PTPRQ: variants seen among roughly 807,000 people sequenced by gnomAD.
PTPRQ encodes the protein protein tyrosine phosphatase receptor type Q, also known as phosphatidylinositol phosphatase PTPRQ.
Under a neutral mutation model 246.0 loss-of-function variants are expected in PTPRQ, and 199 were observed. The observed-to-expected ratio is 0.81, with a 90% CI of 0.72 to 0.91. The LOEUF is 0.91. PTPRQ is among the 40% of genes least tolerant of loss of function. The pLI is 0.00. For missense variants in PTPRQ, 2,624 were observed against 2,528.4 expected (o/e 1.04, Z -0.81); for synonymous variants, 869 against 853.2 (o/e 1.02, Z -0.32).
chr12:80,599,954 A>G (rs1279269855), intron 26 of PTPRQ, among the ~76,000 whole-genome samples: 1 of 151,776 alleles, frequency 6.6e-6, no homozygotes, highest in Non-Finnish European at 1.5e-5. Context: ...GACAAAATAC[A>G]TTCTGAAGGA....
At chr12:80,574,867 A>G (rs910301618) in intron 25 of PTPRQ, among the ~76,000 whole-genome samples, 4 of 152,176 alleles carry the variant, frequency 2.6e-5, no homozygotes, top group Admixed American at 1.3e-4. Flanking sequence ...TCATGTACAT[A>G]TAATTAAAAT....
chr12:80,599,451 T>C (rs1163914857), intron 26 of PTPRQ, among the ~76,000 whole-genome samples: 1 of 151,886 alleles, frequency 6.6e-6, no homozygotes, highest in Non-Finnish European at 1.5e-5. Flanking sequence ...CTCCCAAAGA[T>C]GCTTATAAGT....
At chr12:80,465,954 G>A (rs1049062548) in intron 6 of PTPRQ, among the ~76,000 whole-genome samples, 14 of 152,168 alleles carry the variant, frequency 9.2e-5, no homozygotes, top group African/African-American at 3.4e-4. Context: ...ACAAGACAGG[G>A]ATGCCCCCTC....
intron 43 of PTPRQ, among the ~76,000 whole-genome samples, chr12:80,676,096 G>GT (rs1380635488): frequency 6.6e-6 from 1 of 152,128 alleles, no homozygotes; most frequent in Non-Finnish European, 1.5e-5. Flanking sequence ...GCTCTTTACT[G>GT]TTTTTTCCCT....
At chr12:80,589,585 T>A (rs1315217054) in intron 26 of PTPRQ, among the ~76,000 whole-genome samples, 1 of 152,204 alleles carries the variant, frequency 6.6e-6, no homozygotes, top group Non-Finnish European at 1.5e-5. Context: ...CTAGAGGGCT[T>A]TATTTTCTAG....
At chr12:80,600,070 T>A (rs1898091988) in intron 26 of PTPRQ, among the ~76,000 whole-genome samples, 1 of 151,842 alleles carries the variant, frequency 6.6e-6, no homozygotes, top group South Asian at 2.1e-4. Flanking sequence ...ATTGTTTCTT[T>A]TAAAAAATGA....
At chr12:80,517,661 C>A (rs1043564422) in intron 17 of PTPRQ, among the ~76,000 whole-genome samples, 5 of 151,526 alleles carry the variant, frequency 3.3e-5, no homozygotes, top group African/African-American at 1.2e-4. Flanking sequence ...TCCTCACTAC[C>A]CTTCCCACCT....
At chr12:80,484,671 A>T in intron 9 of PTPRQ, 66 bp downstream of exon 9, 1 of 1,512,918 alleles carries the variant, frequency 6.6e-7, no homozygotes, top group Non-Finnish European at 8.8e-7. Context: ...GATAGCTTGG[A>T]AGATTTGCTA....
Position 80,533,996 on chromosome 12 carries a change from A to T in PTPRQ, c.2679-19A>T, listed in dbSNP as rs1390183321. 4 of 1,447,780 alleles carry T rather than the reference A, an allele frequency of 2.8e-6. No homozygotes were observed. The Admixed American group carries it at 1.2e-4, about 42-fold the overall frequency. The allele number at this position is 1,447,780 out of a possible 1,614,324, so 89.7% of individuals were successfully genotyped here. On this transcript the variant is annotated intron_variant, in intron 17 of 44. Transcript: ENST00000644991. ...ACTTTTAAAATTCAATTCTACAGAT[A>T]ATATTCTTTTTATCTCAGGAATAGA...
At position 80,514,402 on chromosome 12, in the gene PTPRQ, A is replaced by ACACACACACACACACACACACTCTCT. The variant is rs552667526; in HGVS notation, c.2678+3960_2678+3961insACACACACACACACACACACTCTCTC. On this transcript the variant is annotated intron_variant, in intron 17 of 44. Coordinates refer to ENST00000644991, the MANE Select transcript of PTPRQ (RefSeq NM_001145026.2). The stretch of plus-strand genomic sequence containing the variant: ...CACACACACACACACACACACACAC[A>ACACACACACACACACACACACTCTCT]CTCTCTCTCTCTCTCTCTGCTTTAA... Among the ~76,000 whole-genome samples, 269 of 113,000 alleles carry ACACACACACACACACACACACTCTCT rather than the reference A, an allele frequency of 2.4e-3. 2 individuals are homozygous for ACACACACACACACACACACACTCTCT. The highest frequency in any genetic ancestry group is 7.5e-3 in the East Asian group (24 of 3,216). The allele number at this position is 113,000 out of a possible 152,430, so 74.1% of individuals were successfully genotyped here.
intron 38 of PTPRQ, 69 bp from the exon 39 acceptor site, chr12:80,657,916 T>G: frequency 8.5e-7 from 1 of 1,178,036 alleles, no homozygotes; most frequent in Non-Finnish European, 1.1e-6. Context: ...TTTGTATTAC[T>G]TTTATAGTAA....
intron 9 of PTPRQ, among the ~76,000 whole-genome samples, chr12:80,492,569 G>T (rs1894482624): frequency 6.6e-6 from 1 of 151,886 alleles, no homozygotes; most frequent in African/African-American, 2.4e-5. Flanking sequence ...CATCTAGTTA[G>T]CTCAATGAAA....
chr12:80,628,776 G>T (rs1045683533), intron 33 of PTPRQ, among the ~76,000 whole-genome samples: 6 of 152,070 alleles, frequency 3.9e-5, no homozygotes, highest in African/African-American at 1.4e-4. Context: ...ATAAATAAGT[G>T]ATTTATATGT....
chr12:80,526,283 G>C (rs557425664), intron 17 of PTPRQ, among the ~76,000 whole-genome samples: 19 of 152,252 alleles, frequency 1.2e-4, no homozygotes, highest in Middle Eastern at 3.4e-3. Flanking sequence ...GGGAGCTAAA[G>C]CTTTGGTTGG....
chr12:80,510,109 T>C (rs1235227409), intron 16 of PTPRQ, among the ~76,000 whole-genome samples: 2 of 152,126 alleles, frequency 1.3e-5, no homozygotes, highest in African/African-American at 4.8e-5. Flanking sequence ...TTTTTTTCCA[T>C]TGAATCACAG....
At chr12:80,554,187 C>T (rs1229525182) in intron 25 of PTPRQ, among the ~76,000 whole-genome samples, 5 of 152,206 alleles carry the variant, frequency 3.3e-5, no homozygotes. Context: ...ATTTCTTTTA[C>T]ATTTAAAAGT....
intron 29 of PTPRQ, 63 bp from the exon 30 acceptor site, chr12:80,616,137 A>T (rs1265305395): frequency 8.6e-7 from 1 of 1,161,654 alleles, no homozygotes; most frequent in South Asian, 2.1e-5. Flanking sequence ...GCATATATAT[A>T]TATATACACA....
At position 80,495,222 on chromosome 12, in the gene PTPRQ, A is replaced by C. The variant is rs1377302833; in HGVS notation, c.1733A>C (p.Lys578Thr). ...AGCTCCATTAAAATTATAAACTATA[A>C]AAATATTAGTTCTTCATCTATTTTG... ...VPSSIKIINY[K>T]NISSSSILLY... The change falls in exon 12 of 45, where the codon AAA becomes ACA. Residue 578 changes from lysine (K) to threonine (T), a missense_variant. Transcript: ENST00000644991. The C allele has an allele frequency of 6.5e-7, 1 of 1,538,782 alleles. No individual in the cohort carries two copies. The highest frequency in any genetic ancestry group is 1.2e-5 in the South Asian group (1 of 80,378).
intron 35 of PTPRQ, among the ~76,000 whole-genome samples, chr12:80,636,575 T>C (rs977083563): frequency 6.6e-6 from 1 of 150,424 alleles, no homozygotes; most frequent in Non-Finnish European, 1.5e-5. Context: ...ATTCTACAAC[T>C]GAAAATGCAC....
Sources: gnomAD v4.1 joint callset for allele counts (sites outside exome capture counted in the v4.1 genomes callset) on GRCh38, gnomAD v4.1.1 for gene constraint, MANE v1.5 for transcripts, NCBI Gene and HGNC (gene_info 2026-07-23, HGNC 2026-07-21) for gene names.